AUTS2: variants seen among roughly 807,000 people sequenced by gnomAD.
The protein encoded by AUTS2 is activator of transcription and developmental regulator AUTS2, also known as autism susceptibility gene 2 protein.
In AUTS2, 17 loss-of-function variants were observed where a neutral mutation model predicts 112.4. The observed-to-expected ratio is 0.15, with a 90% CI of 0.10 to 0.23. AUTS2 has a LOEUF of 0.23. Ranked by LOEUF, AUTS2 falls within the 10% of genes least tolerant of loss-of-function variation. The probability of loss-of-function intolerance (pLI) is 1.00; values close to 1 mark genes in which losing one functional copy is unlikely to be tolerated. For missense variants in AUTS2, 1,510 were observed against 1,701.6 expected (o/e 0.89, Z 1.98); for synonymous variants, 751 against 702.7 (o/e 1.07, Z -1.09).
At chr7:69,770,959 G>A (rs997279653) in intron 1 of AUTS2, among the ~76,000 whole-genome samples, 3 of 152,246 alleles carry the variant, frequency 2.0e-5, no homozygotes, top group Admixed American at 6.5e-5. Context: ...AGAGTTAATG[G>A]CCAGTTGGTT....
chr7:70,190,191 T>C (rs192590793), intron 4 of AUTS2, among the ~76,000 whole-genome samples: 26 of 152,334 alleles, frequency 1.7e-4, no homozygotes, highest in African/African-American at 5.8e-4. Context: ...TTCCCATACC[T>C]TAGCTTTAGC....
chr7:70,179,132 A>G (rs1290741818), intron 4 of AUTS2, among the ~76,000 whole-genome samples: 3 of 152,176 alleles, frequency 2.0e-5, no homozygotes, highest in Non-Finnish European at 4.4e-5. Context: ...TTTATGGCTC[A>G]GAGAGGATTG....
intron 2 of AUTS2, among the ~76,000 whole-genome samples, chr7:69,993,213 C>G (rs1798809861): frequency 6.6e-6 from 1 of 152,184 alleles, no homozygotes; most frequent in Admixed American, 6.5e-5. Flanking sequence ...CAACAACAAT[C>G]TTGCAGCTTC....
intron 5 of AUTS2, among the ~76,000 whole-genome samples, chr7:70,529,430 CT>C (rs1301450281): frequency 6.6e-6 from 1 of 152,204 alleles, no homozygotes; most frequent in Admixed American, 6.5e-5. Context: ...CCTGCTAAAA[CT>C]GTACAGCTTC....
chr7:70,751,531 G>A (rs902024256), intron 6 of AUTS2, among the ~76,000 whole-genome samples: 2 of 152,066 alleles, frequency 1.3e-5, no homozygotes, highest in Admixed American at 6.5e-5. Flanking sequence ...TTGTCTTCCC[G>A]CCTAAGGAAT....
chr7:70,073,441 G>A (rs998898475), intron 2 of AUTS2, among the ~76,000 whole-genome samples: 1 of 151,048 alleles, frequency 6.6e-6, no homozygotes, highest in African/African-American at 2.4e-5. Context: ...AACCCAGGAG[G>A]TGGAGGCTGC....
chr7:70,557,822 G>A (rs1801313879), intron 5 of AUTS2, among the ~76,000 whole-genome samples: 1 of 152,192 alleles, frequency 6.6e-6, no homozygotes, highest in African/African-American at 2.4e-5. Context: ...CAGCTGAGAG[G>A]CAACGATAGG....
intron 2 of AUTS2, among the ~76,000 whole-genome samples, chr7:69,936,216 T>G (rs1031868016): frequency 6.6e-6 from 1 of 152,170 alleles, no homozygotes; most frequent in African/African-American, 2.4e-5. Flanking sequence ...GCAACTAAAG[T>G]TTTTCCTCCA....
intron 1 of AUTS2, among the ~76,000 whole-genome samples, chr7:69,665,683 T>G (rs1220508665): frequency 6.6e-6 from 1 of 152,240 alleles, no homozygotes; most frequent in Admixed American, 6.5e-5. Context: ...CTGTTTAACT[T>G]GTTAAGCACC....
chr7:70,549,341 T>C (rs1001614194), intron 5 of AUTS2, among the ~76,000 whole-genome samples: 2 of 152,232 alleles, frequency 1.3e-5, no homozygotes, highest in Non-Finnish European at 2.9e-5. Flanking sequence ...TTCTTGTCCA[T>C]ATGGGATGAC....
chr7:70,092,760 A>T (rs754725850), intron 2 of AUTS2, among the ~76,000 whole-genome samples: 1 of 152,230 alleles, frequency 6.6e-6, no homozygotes, highest in Non-Finnish European at 1.5e-5. Flanking sequence ...GGGCCAGCAC[A>T]GCTGCGGTTT....
At chr7:69,767,973 C>A (rs541157724) in intron 1 of AUTS2, among the ~76,000 whole-genome samples, 1 of 152,328 alleles carries the variant, frequency 6.6e-6, no homozygotes, top group African/African-American at 2.4e-5. Context: ...CTGAACCTGA[C>A]CCAGTGTATT....
At chr7:69,942,665 C>G (rs1004691780) in intron 2 of AUTS2, among the ~76,000 whole-genome samples, 1 of 152,174 alleles carries the variant, frequency 6.6e-6, no homozygotes, top group African/African-American at 2.4e-5. Flanking sequence ...GTGATTCCAT[C>G]CATGGAGTAA....
At chr7:70,142,577 T>C (rs750835919) in intron 4 of AUTS2, among the ~76,000 whole-genome samples, 7 of 152,198 alleles carry the variant, frequency 4.6e-5, no homozygotes, top group South Asian at 2.1e-4. Context: ...TGAACAATAA[T>C]GCAATTATTC....
At chr7:70,738,425 T>TG (rs998828800) in intron 6 of AUTS2, among the ~76,000 whole-genome samples, 10 of 151,646 alleles carry the variant, frequency 6.6e-5, no homozygotes, top group Admixed American at 1.3e-4. Context: ...TTTGTTTTTT[T>TG]TTTTTTTACT....
chr7:70,588,806 T>A (rs1375775050), intron 5 of AUTS2, among the ~76,000 whole-genome samples: 1 of 152,188 alleles, frequency 6.6e-6, no homozygotes, highest in Non-Finnish European at 1.5e-5. Flanking sequence ...AGATCATGAC[T>A]GTCTCTAGTG....
intron 5 of AUTS2, among the ~76,000 whole-genome samples, chr7:70,683,658 C>T (rs1206423737): frequency 6.6e-6 from 1 of 152,236 alleles, no homozygotes; most frequent in Non-Finnish European, 1.5e-5. Context: ...TGGTGTAATT[C>T]ATTTGCAATA....
At chr7:70,263,068 A>G (rs1489027885) in intron 4 of AUTS2, among the ~76,000 whole-genome samples, 3 of 152,202 alleles carry the variant, frequency 2.0e-5, no homozygotes, top group Non-Finnish European at 4.4e-5. Flanking sequence ...TATATTTAAT[A>G]AAAGTAGAAG....
At chr7:70,165,436 T>C (rs1808331482) in intron 4 of AUTS2, among the ~76,000 whole-genome samples, 1 of 152,206 alleles carries the variant, frequency 6.6e-6, no homozygotes, top group African/African-American at 2.4e-5. Context: ...TGCAGAGGTA[T>C]AATAGATAAA....
Sources: gnomAD v4.1 joint callset for allele counts (sites outside exome capture counted in the v4.1 genomes callset) on GRCh38, gnomAD v4.1.1 for gene constraint, MANE v1.5 for transcripts, NCBI Gene and HGNC (gene_info 2026-07-23, HGNC 2026-07-21) for gene names.